CDH7: variants seen among roughly 807,000 people sequenced by gnomAD.
The protein encoded by CDH7 is cadherin-7.
In CDH7, 25 loss-of-function variants were observed where a neutral mutation model predicts 71.8. The ratio of observed to expected loss-of-function variants is 0.35; its 90% CI spans 0.25 to 0.49. The LOEUF is 0.49. Among genes scored for constraint, CDH7 ranks in the 20% least tolerant of loss-of-function variants. The pLI is 0.99. For missense variants in CDH7, 862 were observed against 974.6 expected, an observed-to-expected ratio of 0.88 and a Z score of 1.54; for synonymous variants, 381 against 363.8, an observed-to-expected ratio of 1.05 and a Z score of -0.54.
chr18:65,826,551 TAC>T lies in CDH7; in HGVS notation c.981+1722_981+1723del, dbSNP rs200956392. On this transcript the variant is annotated intron_variant, in intron 6 of 11. Coordinates refer to ENST00000397968, the MANE Select transcript of CDH7 (RefSeq NM_004361.5). Reference sequence around the variant, plus strand: ...TATTAAAAGGCAGTATCCAAACTTTTACAAAGTCTTTCACATTTTATGAAAAT... The same window carrying T: ...TATTAAAAGGCAGTATCCAAACTTTTAAAGTCTTTCACATTTTATGAAAAT... Among the ~76,000 whole-genome samples the T allele has an allele frequency of 6.7e-4, 54 of 80,702 alleles. No individual in the cohort carries two copies. In the East Asian group the frequency reaches 0.13, roughly 192 times the overall value. 52.9% of individuals were successfully genotyped at this position (80,702 alleles called of 152,430 possible). A position where few individuals can be genotyped will look rare whatever the true frequency, so the allele number is the denominator to read the frequency against.
At chr18:65,879,749 A>G (rs1190367749) in intron 11 of CDH7, among the ~76,000 whole-genome samples, 1 of 152,200 alleles carries the variant, frequency 6.6e-6, no homozygotes. Context: ...TCTTAAATTT[A>G]TCTTTGAGAG....
In CDH7 at chr18:65,886,281, A is replaced by C. The variant is rs1914372972; in HGVS notation, c.*5387A>C. 6.6e-6 allele frequency: 1 copy of C among 152,226 alleles called. No individual in the cohort carries two copies. The highest frequency in any genetic ancestry group is 2.4e-5 in the African/African-American group (1 of 41,462). 9.4% of individuals were successfully genotyped at this position (152,226 alleles called of 1,614,324 possible). The stretch of plus-strand genomic sequence containing the variant: ...TTATATAAAAAGGTTGATAATTGTT[A>C]TATGGTAAACAGAGAATTTCTGTTT... On this transcript the variant is annotated 3_prime_UTR_variant, in exon 12 of 12. Coordinates refer to ENST00000397968, the MANE Select transcript of CDH7 (RefSeq NM_004361.5).
intron 2 of CDH7, among the ~76,000 whole-genome samples, chr18:65,783,604 G>A (rs980514741): frequency 6.6e-6 from 1 of 152,080 alleles, no homozygotes; most frequent in Non-Finnish European, 1.5e-5. Flanking sequence ...AAATTCAGTG[G>A]TCCAAAAATT....
At chr18:65,795,868 C>T (rs1195064649) in intron 2 of CDH7, among the ~76,000 whole-genome samples, 1 of 151,944 alleles carries the variant, frequency 6.6e-6, no homozygotes, top group Non-Finnish European at 1.5e-5. Flanking sequence ...CCATGCTGTT[C>T]TCATGATAGT....
chr18:65,832,279 A>G (rs1912377677), intron 6 of CDH7, among the ~76,000 whole-genome samples: 1 of 152,104 alleles, frequency 6.6e-6, no homozygotes, highest in Non-Finnish European at 1.5e-5. Context: ...ATTTTGCTAC[A>G]TTTGAATGTA....
chr18:65,750,411 C>T (rs1915828529), upstream of CDH7: 1 of 152,074 alleles, frequency 6.6e-6, no homozygotes, highest in African/African-American at 2.4e-5. Context: ...TTGAAAATAC[C>T]CTCAAAACTC....
At position 65,762,660 on chromosome 18, in the gene CDH7, C is replaced by T. The variant is rs758991372; in HGVS notation, c.-183C>T. The T allele has an allele frequency of 2.4e-5, 14 of 575,866 alleles. No individual in the cohort carries two copies. The highest frequency in any genetic ancestry group is 4.0e-5 in the Non-Finnish European group (13 of 324,386). 35.7% of individuals were successfully genotyped at this position (575,866 alleles called of 1,614,324 possible). On this transcript the variant is annotated 5_prime_UTR_variant, in exon 2 of 12. Transcript: ENST00000397968. Reference sequence around the variant, plus strand: ...TTGTTCTGATAGGTACTTACTACACCATTCTTTGGCGAAGGCTATTCAGCA... The same window carrying T: ...TTGTTCTGATAGGTACTTACTACACTATTCTTTGGCGAAGGCTATTCAGCA...
chr18:65,788,772 C>T (rs115757113), intron 2 of CDH7, among the ~76,000 whole-genome samples: 5,174 of 152,220 alleles, frequency 0.034, 290 homozygotes, highest in African/African-American at 0.12. Context: ...TACCTGCTTT[C>T]GCTTAGATGA....
At chr18:65,781,788 T>TA (rs1568181342) in intron 2 of CDH7, among the ~76,000 whole-genome samples, 163 of 67,910 alleles carry the variant, frequency 2.4e-3, no homozygotes, top group African/African-American at 3.8e-3. Flanking sequence ...CCTTCCTTCC[T>TA]TCCTTCCTTC....
At chr18:65,827,537 A>G (rs985831199) in intron 6 of CDH7, among the ~76,000 whole-genome samples, 14 of 151,950 alleles carry the variant, frequency 9.2e-5, no homozygotes, top group African/African-American at 3.1e-4. Flanking sequence ...GAATGCTAAC[A>G]TGATTTTCCA....
rs8091382 is a variant in CDH7, at chr18:65,794,891, A to G, written c.211-14813A>G. ...GTATAAAATTAGGACGGTAATGCCT[A>G]CCACAAAACTTTGTCAGAAGAATTA... On this transcript the variant is annotated intron_variant, in intron 2 of 11. Transcript: ENST00000397968. Among the ~76,000 whole-genome samples the G allele has an allele frequency of 4.7e-4, 72 of 152,280 alleles. No individual in the cohort carries two copies. In the East Asian group the frequency reaches 9.6e-3, roughly 20 times the overall value.
chr18:65,855,287 G>A (rs886143643), intron 7 of CDH7, among the ~76,000 whole-genome samples: 1 of 149,206 alleles, frequency 6.7e-6, no homozygotes, highest in Non-Finnish European at 1.5e-5. Flanking sequence ...GAAATCAATA[G>A]AATTAAAAGC....
chr18:65,831,578 G>T (rs147721766), intron 6 of CDH7, among the ~76,000 whole-genome samples: 2 of 152,226 alleles, frequency 1.3e-5, no homozygotes, highest in Non-Finnish European at 2.9e-5. Context: ...TAACAAAACA[G>T]GATTTTGATT....
At chr18:65,772,581 A>T (rs1916578384) in intron 2 of CDH7, among the ~76,000 whole-genome samples, 1 of 152,184 alleles carries the variant, frequency 6.6e-6, no homozygotes, top group African/African-American at 2.4e-5. Flanking sequence ...AAAGAAATAG[A>T]TGAAAATTAT....
chr18:65,778,672 T>TG (rs1568179696), intron 2 of CDH7, among the ~76,000 whole-genome samples: 6 of 151,376 alleles, frequency 4.0e-5, no homozygotes, highest in Non-Finnish European at 5.9e-5. Context: ...TTTTCTTTTT[T>TG]TTTGTTTGTT....
intron 4 of CDH7, among the ~76,000 whole-genome samples, chr18:65,820,424 T>C (rs1168362073): frequency 6.6e-6 from 1 of 152,138 alleles, no homozygotes; most frequent in Non-Finnish European, 1.5e-5. Context: ...TGTGTGTGTA[T>C]TTATATACAC....
intron 2 of CDH7, chr18:65,803,424 C>A (rs1228651689): frequency 6.6e-6 from 1 of 152,114 alleles, no homozygotes; most frequent in Non-Finnish European, 1.5e-5. Context: ...TGAATTATGT[C>A]TCTTTCCTTT....
At chr18:65,855,528 TA>T (rs71167164) in intron 7 of CDH7, among the ~76,000 whole-genome samples, 94,718 of 151,894 alleles carry the variant, frequency 0.62, 31,901 homozygotes, top group East Asian at 0.92. Context: ...TCAAAAAGTG[TA>T]AACTCTCAAA....
intron 2 of CDH7, among the ~76,000 whole-genome samples, chr18:65,788,274 T>A (rs1378377864): frequency 6.6e-6 from 1 of 152,168 alleles, no homozygotes; most frequent in East Asian, 1.9e-4. Context: ...AATTTTACAT[T>A]ACTGTCTAAA....
Sources: allele counts gnomAD v4.1 joint callset (sites outside exome capture counted in the v4.1 genomes callset), GRCh38; gene constraint gnomAD v4.1.1; transcripts MANE v1.5; gene names NCBI Gene and HGNC (gene_info 2026-07-23, HGNC 2026-07-21).